The following NFATC2 variants were observed in gnomAD, a reference collection of about 807,000 sequenced individuals.
NFATC2 encodes the protein nuclear factor of activated T cells 2.
NFATC2 carries 22 observed loss-of-function variants against 87.3 expected under a neutral mutation model. The observed-to-expected ratio is 0.25, with a 90% CI of 0.18 to 0.36. NFATC2 has a LOEUF of 0.36. Among genes scored for constraint, NFATC2 ranks in the 10% least tolerant of loss-of-function variants. The probability of loss-of-function intolerance (pLI) is 1.00; values close to 1 mark genes in which losing one functional copy is unlikely to be tolerated. For synonymous variants in NFATC2, 565 were observed against 542.2 expected, an observed-to-expected ratio of 1.04 and a Z score of -0.58; for missense variants, 1,149 against 1,259.1, an observed-to-expected ratio of 0.91 and a Z score of 1.32.
In NFATC2 at chr20:51,542,440, A is replaced by T; in HGVS notation, c.60T>A (p.Pro20=). 6.3e-7 allele frequency: 1 copy of T among 1,596,244 alleles called. No homozygotes were observed. The highest frequency in any genetic ancestry group is 1.1e-5 in the South Asian group (1 of 90,460). The change falls in exon 1 of 11, where the codon CCT becomes CCA. Residue 20 remains proline (P), a synonymous_variant. Coordinates refer to ENST00000371564, the MANE Select transcript of NFATC2 (RefSeq NM_012340.5). ...PDGGDAPGHE[P]GGSPQDELDF... ...CAAGCTCGTCTTGGGGGCTGCCCCC[A>T]GGCTCGTGGCCTGGGGCGTCCCCGC...
chr20:51,524,249 C>G lies in NFATC2; in HGVS notation c.131-139G>C. ...ACCATGCCAAACCCCAAGCTAGAAGCTCCGTCCCTCACCAGAAGAAAACTG... is the reference window on the plus strand; with the variant it reads ...ACCATGCCAAACCCCAAGCTAGAAGGTCCGTCCCTCACCAGAAGAAAACTG... On this transcript the variant is annotated intron_variant, in intron 1 of 10. Transcript: ENST00000371564. The surrounding 1 kb of genome is among the most constrained non-coding windows in gnomAD (Gnocchi z 4.0). 2 of 755,478 alleles carry G rather than the reference C, an allele frequency of 2.6e-6. No homozygotes were observed. Among genetic ancestry groups the G allele is most frequent in the Admixed American group, 4.2e-5 (1 of 23,634 alleles). The allele number at this position is 755,478 out of a possible 1,614,324, so 46.8% of individuals were successfully genotyped here.
chr20:51,532,937 G>A (rs1028992664), intron 1 of NFATC2, among the ~76,000 whole-genome samples: 159 of 152,292 alleles, frequency 1.0e-3, no homozygotes, highest in Non-Finnish European at 5.4e-4. Context: ...CCCTCCGATG[G>A]GCAGCAGGGC....
At chr20:51,475,348 T>A (rs1276891013) in intron 4 of NFATC2, 110 bp downstream of exon 4, 9 of 1,012,992 alleles carry the variant, frequency 8.9e-6, no homozygotes, top group Non-Finnish European at 1.4e-5. Context: ...AGAACTGCCA[T>A]CAACAGCTGC....
intron 6 of NFATC2, among the ~76,000 whole-genome samples, chr20:51,441,625 G>A (rs1179793962): frequency 6.7e-6 from 1 of 149,068 alleles, no homozygotes; most frequent in Non-Finnish European, 1.5e-5. Flanking sequence ...GCTGAGGCAG[G>A]AGAATCGCTT....
At chr20:51,428,373 G>T (rs1029762762) in intron 9 of NFATC2, among the ~76,000 whole-genome samples, 1 of 152,224 alleles carries the variant, frequency 6.6e-6, no homozygotes, top group South Asian at 2.1e-4. Flanking sequence ...GGGCTCAGGG[G>T]AGTGCATGCC....
intron 3 of NFATC2, among the ~76,000 whole-genome samples, chr20:51,489,473 G>A (rs1048830382): frequency 1.3e-5 from 2 of 152,140 alleles, no homozygotes; most frequent in African/African-American, 4.8e-5. Context: ...GTTATTTGGG[G>A]TTTTCTGTTA....
intron 3 of NFATC2, 48 bp downstream of exon 3, chr20:51,516,736 C>T: frequency 6.5e-7 from 1 of 1,546,036 alleles, no homozygotes; most frequent in South Asian, 1.2e-5. Flanking sequence ...AAGTGAATCT[C>T]TTAGTGACAA....
intron 9 of NFATC2, among the ~76,000 whole-genome samples, chr20:51,423,021 C>T (rs1486286072): frequency 4.6e-5 from 7 of 151,358 alleles, no homozygotes; most frequent in African/African-American, 1.7e-4. Context: ...GGCACAGTGG[C>T]TCACGCTTAT....
intron 9 of NFATC2, among the ~76,000 whole-genome samples, chr20:51,410,278 T>C (rs1979024029): frequency 6.6e-6 from 1 of 151,722 alleles, no homozygotes; most frequent in African/African-American, 2.4e-5. Flanking sequence ...AACACTGAGT[T>C]TGATAATATT....
rs1186457182 is a variant in NFATC2, at chr20:51,440,586, G to A, written c.1850-4825C>T. ...CACACACAGAGAAAAAGACCTCAGA[G>A]GAATAAGAAATCAAAACTTAAACTA... On this transcript the variant is annotated intron_variant, in intron 6 of 10. Coordinates refer to ENST00000371564, the MANE Select transcript of NFATC2 (RefSeq NM_012340.5). Among the ~76,000 whole-genome samples, 3 of 152,172 alleles carry A rather than the reference G, an allele frequency of 2.0e-5. 1 individual carries two copies. The highest frequency in any genetic ancestry group is 4.4e-5 in the Non-Finnish European group (3 of 68,034).
chr20:51,398,359 A>T lies in NFATC2; in HGVS notation c.*44+284T>A, dbSNP rs1168590508. 2.6e-5 allele frequency among the ~76,000 whole-genome samples: 4 copies of T among 152,086 alleles called. No individual in the cohort carries two copies. The East Asian group carries it at 7.7e-4, about 29-fold the overall frequency. On this transcript the variant is annotated intron_variant, in intron 10 of 10. Transcript: ENST00000371564. ...AAAACCAAAAAGGAGCAGGCTCCAA[A>T]GACGTTGCTGCATTTTTCCACGCAG...
At chr20:51,399,572 C>G (rs1408147232) in intron 9 of NFATC2, among the ~76,000 whole-genome samples, 1 of 152,216 alleles carries the variant, frequency 6.6e-6, no homozygotes, top group Non-Finnish European at 1.5e-5. Context: ...TAAATGAGAT[C>G]CTTTCAGCGC....
At chr20:51,491,353 G>A (rs2075879965) in intron 3 of NFATC2, among the ~76,000 whole-genome samples, 1 of 152,086 alleles carries the variant, frequency 6.6e-6, no homozygotes, top group South Asian at 2.1e-4. Flanking sequence ...AAACTAAAAA[G>A]TGGCATTCGT....
At chr20:51,435,569 A>G in intron 7 of NFATC2, 137 bp downstream of exon 7, 2 of 954,380 alleles carry the variant, frequency 2.1e-6, no homozygotes, top group South Asian at 3.2e-5. Flanking sequence ...CTCACTCATT[A>G]ATATGCACAT....
chr20:51,540,418 T>C (rs2076788449), intron 1 of NFATC2, among the ~76,000 whole-genome samples: 1 of 152,164 alleles, frequency 6.6e-6, no homozygotes, highest in Non-Finnish European at 1.5e-5. Flanking sequence ...CAGTCTACAA[T>C]ACAACCAACA....
intron 3 of NFATC2, among the ~76,000 whole-genome samples, chr20:51,502,506 GTTT>G (rs111610247): frequency 6.6e-6 from 1 of 151,790 alleles, no homozygotes; most frequent in Non-Finnish European, 1.5e-5. Flanking sequence ...TTGTTTTTGT[GTTT>G]TTTTTGGTAG....
At chr20:51,395,730 T>TATATGACAAAGTCATTTATATATAA (rs1986983149) in intron 10 of NFATC2, among the ~76,000 whole-genome samples, 1 of 152,130 alleles carries the variant, frequency 6.6e-6, no homozygotes, top group Non-Finnish European at 1.5e-5. Context: ...ATTTTCAGTA[T>TATATGACAAAGTCATTTATATATAA]ATATGACAAA....
In NFATC2 at chr20:51,393,116, A is replaced by G. The variant is rs574641678; in HGVS notation, c.*45-1665T>C. Among the ~76,000 whole-genome samples, 8 of 152,282 alleles carry G rather than the reference A, an allele frequency of 5.3e-5. No homozygotes were observed. The East Asian group carries it at 1.5e-3, about 29-fold the overall frequency. On this transcript the variant is annotated intron_variant, in intron 10 of 10. Transcript: ENST00000371564. ...CCCCATGCTTCATGTTGGACTCTGA[A>G]TTCCGTGCTTTGCAAACATTGGCTT...
chr20:51,524,072 C>G lies in NFATC2; in HGVS notation c.169G>C (p.Gly57Arg). 1 of 1,479,606 alleles carries G rather than the reference C, an allele frequency of 6.8e-7. No individual in the cohort carries two copies. The highest frequency in any genetic ancestry group is 8.9e-7 in the Non-Finnish European group (1 of 1,118,216). The allele number at this position is 1,479,606 out of a possible 1,614,324, so 91.7% of individuals were successfully genotyped here. The change falls in exon 2 of 11, where the codon GGA (glycine) becomes CGA (arginine). Residue 57 changes from glycine to arginine, a missense_variant. Transcript: ENST00000371564. This position sits in a 1 kb window ranked among gnomAD's most constrained non-coding sequence, Gnocchi z 4.0. ...AGGACATCATCGGGGTATGCGGGTCCGGAGGGTGGGCTGGCGACCTTATGT... is the reference window on the plus strand; with the variant it reads ...AGGACATCATCGGGGTATGCGGGTCGGGAGGGTGGGCTGGCGACCTTATGT... ...NAHKVASPPS[G>R]PAYPDDVLDY...
Sources: gnomAD v4.1 joint callset for allele counts (sites outside exome capture counted in the v4.1 genomes callset) on GRCh38, gnomAD v4.1.1 for gene constraint, Gnocchi (gnomAD v3.1) non-coding constraint, MANE v1.5 for transcripts, NCBI Gene and HGNC (gene_info 2026-07-23, HGNC 2026-07-21) for gene names.